Variants in GABRB1 observed in about 807,000 individuals in gnomAD.
GABRB1 encodes the protein gamma-aminobutyric acid type A receptor subunit beta1, also known as gamma-aminobutyric acid receptor subunit beta-1.
A neutral mutation model predicts 51.6 loss-of-function variants in GABRB1; 17 were observed. The ratio of observed to expected loss-of-function variants is 0.33; its 90% CI spans 0.23 to 0.49. The LOEUF (loss-of-function observed/expected upper bound fraction) is 0.49. GABRB1 is among the 20% of genes least tolerant of loss of function. GABRB1 has a pLI of 0.99. For missense variants in GABRB1, 410 were observed against 600.6 expected, an observed-to-expected ratio of 0.68 and a Z score of 3.32; for synonymous variants, 247 against 218.9, an observed-to-expected ratio of 1.13 and a Z score of -1.14.
chr4:47,395,897 T>C (rs1233927075), intron 5 of GABRB1, among the ~76,000 whole-genome samples: 1 of 152,146 alleles, frequency 6.6e-6, no homozygotes, highest in Non-Finnish European at 1.5e-5. Flanking sequence ...TGCAACATTA[T>C]TGTTCTGAAC....
chr4:47,346,393 A>G (rs1449020525), intron 5 of GABRB1, among the ~76,000 whole-genome samples: 4 of 152,262 alleles, frequency 2.6e-5, no homozygotes, highest in African/African-American at 9.6e-5. Context: ...TGATCATGAA[A>G]CAATCAAGTA....
chr4:47,036,817 C>T (rs1041043628), intron 3 of GABRB1, among the ~76,000 whole-genome samples: 1 of 150,700 alleles, frequency 6.6e-6, no homozygotes, highest in Non-Finnish European at 1.5e-5. Flanking sequence ...GAGCCAAGAT[C>T]GTGCCACTGT....
At chr4:47,169,896 G>A (rs1718367116) in intron 4 of GABRB1, among the ~76,000 whole-genome samples, 1 of 152,080 alleles carries the variant, frequency 6.6e-6, no homozygotes, top group African/African-American at 2.4e-5. Context: ...TCATTTCTAG[G>A]AAGACAGTTG....
intron 4 of GABRB1, among the ~76,000 whole-genome samples, chr4:47,252,638 G>T (rs895243655): frequency 6.7e-6 from 1 of 150,094 alleles, no homozygotes; most frequent in African/African-American, 2.5e-5. Flanking sequence ...CTCCCAAGTA[G>T]CTGGGGTTAC....
intron 3 of GABRB1, among the ~76,000 whole-genome samples, chr4:47,075,795 G>A (rs1373697918): frequency 6.6e-6 from 1 of 152,178 alleles, no homozygotes; most frequent in Non-Finnish European, 1.5e-5. Context: ...GAGGCTGGCA[G>A]TGGATATTTA....
intron 4 of GABRB1, among the ~76,000 whole-genome samples, chr4:47,312,037 TTGTGTGTGTGTGTG>T (rs36206411): frequency 9.9e-5 from 14 of 140,868 alleles, no homozygotes; most frequent in East Asian, 5.9e-4. Flanking sequence ...TACCCAAGGC[TTGTGTGTGTGTGTG>T]TGTGTGTGTG....
intron 4 of GABRB1, among the ~76,000 whole-genome samples, chr4:47,281,018 C>G (rs1410113389): frequency 6.6e-6 from 1 of 151,866 alleles, no homozygotes; most frequent in Non-Finnish European, 1.5e-5. Flanking sequence ...ATTCTTTTTT[C>G]TTTCAGCTTT....
chr4:47,274,515 C>T (rs1723005454), intron 4 of GABRB1, among the ~76,000 whole-genome samples: 1 of 152,126 alleles, frequency 6.6e-6, no homozygotes, highest in Non-Finnish European at 1.5e-5. Flanking sequence ...AGCTATTGGA[C>T]ATAGAAGACT....
chr4:47,372,419 T>A (rs1378048768), intron 5 of GABRB1, among the ~76,000 whole-genome samples: 1 of 152,216 alleles, frequency 6.6e-6, no homozygotes, highest in East Asian at 1.9e-4. Context: ...GCTTTGTTTT[T>A]TCTCCAATTT....
chr4:47,078,046 A>G (rs1727652080), intron 3 of GABRB1, among the ~76,000 whole-genome samples: 1 of 145,818 alleles, frequency 6.9e-6, no homozygotes, highest in South Asian at 2.1e-4. Flanking sequence ...CTGGAGTGCA[A>G]TGGCATGACC....
intron 3 of GABRB1, among the ~76,000 whole-genome samples, chr4:47,082,244 T>C (rs1254258399): frequency 2.0e-5 from 3 of 152,022 alleles, no homozygotes; most frequent in Admixed American, 6.6e-5. Context: ...AAAGAAACTT[T>C]ATATCACTGT....
At chr4:47,291,267 G>A (rs189368098) in intron 4 of GABRB1, among the ~76,000 whole-genome samples, 159 of 152,274 alleles carry the variant, frequency 1.0e-3, no homozygotes, top group African/African-American at 3.1e-3. Flanking sequence ...GTGTTGAGCC[G>A]GCGGGTGCAC....
intron 3 of GABRB1, among the ~76,000 whole-genome samples, chr4:47,137,547 G>A (rs974266166): frequency 6.6e-6 from 1 of 152,118 alleles, no homozygotes; most frequent in Non-Finnish European, 1.5e-5. Flanking sequence ...TCAGCTGGAA[G>A]TAACCAAGAA....
At chr4:47,182,675 T>C (rs886780262) in intron 4 of GABRB1, among the ~76,000 whole-genome samples, 1 of 151,954 alleles carries the variant, frequency 6.6e-6, no homozygotes, top group Non-Finnish European at 1.5e-5. Flanking sequence ...AAAATCTCTC[T>C]GCTGACAAAG....
rs562021711 is a variant in GABRB1 at position 47,244,065 on chromosome 4, C to T, written c.462-76062C>T. Among the ~76,000 whole-genome samples, 5 of 152,176 alleles carry T rather than the reference C, an allele frequency of 3.3e-5. No homozygotes were observed. The South Asian group carries it at 6.2e-4, about 19-fold the overall frequency. On this transcript the variant is annotated intron_variant, in intron 4 of 8. Transcript: ENST00000295454. ...TATTTTGAGATATGTCCCATCAATA[C>T]CTAGTTTATTGAGAGTTTTTAGCAT...
intron 3 of GABRB1, among the ~76,000 whole-genome samples, chr4:47,052,300 C>G (rs1025195018): frequency 1.3e-5 from 2 of 152,132 alleles, no homozygotes; most frequent in African/African-American, 4.8e-5. Context: ...GTTGAGGCTA[C>G]TGAGGAAAGA....
rs148031514 is a variant in GABRB1 at position 47,034,464 on chromosome 4, C to A, written c.240+1980C>A. The stretch of plus-strand genomic sequence containing the variant: ...TTACTCACAGCAACACGTGTGTATG[C>A]ACTTGATTTTTCAAAAGTATTCACC... On this transcript the variant is annotated intron_variant, in intron 3 of 8. Transcript: ENST00000295454. Among the ~76,000 whole-genome samples, 562 of 152,220 alleles carry A rather than the reference C, an allele frequency of 3.7e-3. 4 individuals carry two copies. Among genetic ancestry groups the A allele is most frequent in the Middle Eastern group, 0.014 (4 of 294 alleles).
At chr4:47,155,916 C>CATATATCTATATATAT (rs1717672692) in intron 3 of GABRB1, among the ~76,000 whole-genome samples, 1 of 73,602 alleles carries the variant, frequency 1.4e-5, no homozygotes, top group Non-Finnish European at 3.1e-5. Context: ...GAGGTATTTT[C>CATATATCTATATATAT]ATATATATAT....
At chr4:47,346,210 A>G (rs1044347391) in intron 5 of GABRB1, among the ~76,000 whole-genome samples, 4 of 152,232 alleles carry the variant, frequency 2.6e-5, no homozygotes, top group Non-Finnish European at 5.9e-5. Flanking sequence ...GGACCACCAC[A>G]TATGACCTGA....
Sources: allele counts gnomAD v4.1 joint callset (sites outside exome capture counted in the v4.1 genomes callset), GRCh38; gene constraint gnomAD v4.1.1; transcripts MANE v1.5; gene names NCBI Gene and HGNC (gene_info 2026-07-23, HGNC 2026-07-21).